SACS: variants seen among roughly 807,000 people sequenced by gnomAD.
SACS encodes the protein sacsin molecular chaperone, also known as sacsin.
Under a neutral mutation model 348.0 loss-of-function variants are expected in SACS, and 197 were observed. The observed-to-expected ratio is 0.57, with a 90% confidence interval of 0.50 to 0.64. SACS has a LOEUF of 0.64. SACS is among the 30% of genes least tolerant of loss of function. The pLI is 0.00. For missense variants in SACS, 4,999 were observed against 5,360.8 expected, an observed-to-expected ratio of 0.93 and a Z score of 2.11; for synonymous variants, 1,985 against 1,910.6, an observed-to-expected ratio of 1.04 and a Z score of -1.02.
rs373812430 is a variant in SACS, at chr13:23,337,944, C to T, written c.5932G>A (p.Val1978Ile). 2.8e-5 allele frequency: 45 copies of T among 1,613,914 alleles called. No individual in the cohort carries two copies. The highest frequency in any genetic ancestry group is 3.7e-5 in the Non-Finnish European group (44 of 1,179,962). The change falls in exon 10 of 10, where the codon GTC becomes ATC. Residue 1978 changes from valine to isoleucine, a missense_variant. Val to Ile is a conservative substitution (Grantham distance 29). Coordinates refer to ENST00000382292, the MANE Select transcript of SACS (RefSeq NM_014363.6). ...ACCCAAGTAGATCCATCAGAGAAGA[C>T]TTTGGTCAGTTCTTTCCCTTTTCCA... ...AHGKGKELTK[V>I]FSDGSTWVSM...
intron 1 of SACS, chr13:23,428,577 G>A (rs1874290938): frequency 6.6e-6 from 1 of 152,168 alleles, no homozygotes; most frequent in Admixed American, 6.5e-5. Context: ...AATTAAATAT[G>A]TACGTAAAAT....
chr13:23,420,625 TTC>T (rs1162258286), intron 1 of SACS, among the ~76,000 whole-genome samples: 1 of 152,098 alleles, frequency 6.6e-6, no homozygotes, highest in Non-Finnish European at 1.5e-5. Context: ...GGCCCTGAAG[TTC>T]TCCTAGTGCC....
intron 2 of SACS, among the ~76,000 whole-genome samples, chr13:23,393,410 A>G (rs1355497579): frequency 6.6e-6 from 1 of 152,100 alleles, no homozygotes. Context: ...GGTTACTGGC[A>G]CTAGGTCATG....
intron 2 of SACS, among the ~76,000 whole-genome samples, chr13:23,376,321 G>A (rs1309768009): frequency 6.6e-6 from 1 of 152,058 alleles, no homozygotes; most frequent in African/African-American, 2.4e-5. Context: ...GTGGGGCTTA[G>A]AGGCTTGGGG....
At chr13:23,416,278 C>G (rs972933471) in intron 1 of SACS, among the ~76,000 whole-genome samples, 5 of 136,946 alleles carry the variant, frequency 3.7e-5, no homozygotes, top group Admixed American at 3.6e-4. Flanking sequence ...CCGACTCCAT[C>G]TCAAAAAAGG....
intron 2 of SACS, among the ~76,000 whole-genome samples, chr13:23,381,361 A>G (rs1223631816): frequency 3.1e-5 from 4 of 127,528 alleles, no homozygotes; most frequent in Admixed American, 1.5e-4. Flanking sequence ...CGAAGCACAC[A>G]CACACACACA....
intron 2 of SACS, among the ~76,000 whole-genome samples, chr13:23,407,403 G>T (rs1369641121): frequency 6.6e-6 from 1 of 152,112 alleles, no homozygotes; most frequent in East Asian, 1.9e-4. Context: ...GTTTCACCGT[G>T]TTAGCCAGGA....
chr13:23,371,201 T>G lies in SACS; in HGVS notation c.172-36A>C, dbSNP rs1185234213. 7 of 1,369,306 alleles carry G rather than the reference T, an allele frequency of 5.1e-6. No individual in the cohort carries two copies. In the African/African-American group the frequency reaches 1.0e-4, roughly 20 times the overall value. The allele number at this position is 1,369,306 out of a possible 1,614,324, so 84.8% of individuals were successfully genotyped here. A position where few individuals can be genotyped will look rare whatever the true frequency, so the allele number is the denominator to read the frequency against. ...GCAAAAGAAAATGTATGAAAAGCAATACAGTCTCTAATACTGTAAATTCAA... is the reference window on the plus strand; with the variant it reads ...GCAAAAGAAAATGTATGAAAAGCAAGACAGTCTCTAATACTGTAAATTCAA... On this transcript the variant is annotated intron_variant, in intron 3 of 9. Transcript: ENST00000382292.
chr13:23,396,912 G>A (rs1449387264), intron 2 of SACS, among the ~76,000 whole-genome samples: 1 of 152,132 alleles, frequency 6.6e-6, no homozygotes, highest in East Asian at 1.9e-4. Context: ...GCAATCTCAA[G>A]TACTGAAACA....
intron 3 of SACS, chr13:23,373,300 T>C (rs1396095843): frequency 6.6e-6 from 1 of 152,306 alleles, no homozygotes. Context: ...GGTCCATTCC[T>C]TCCAAAGAAG....
intron 1 of SACS, among the ~76,000 whole-genome samples, chr13:23,420,506 A>G (rs924744509): frequency 6.6e-6 from 1 of 152,042 alleles, no homozygotes; most frequent in Non-Finnish European, 1.5e-5. Context: ...AAGTCTACCT[A>G]GAATCCAGTG....
rs144267558 is a variant in SACS at position 23,340,449 on chromosome 13, G to C, written c.3427C>G (p.Gln1143Glu). The C allele has an allele frequency of 5.6e-6, 9 of 1,613,878 alleles. No homozygotes were observed. Among genetic ancestry groups the C allele is most frequent in the African/African-American group, 2.7e-5 (2 of 74,908 alleles). ...LVLNKNHTLL[Q>E]SSEGKMTLKK... ...AATGTCATCTTTCCTTCAGATGATT[G>C]CAACAGTGTGTGATTCTTATTTAAA... Residue 1143 changes from glutamine (Q) to glutamate (E), a missense_variant, in exon 10 of 10, where the codon CAA becomes GAA. Transcript: ENST00000382292.
Position 23,336,928 on chromosome 13 carries a change from G to A in SACS, c.6948C>T (p.Thr2316=). 1 of 1,613,820 alleles carries A rather than the reference G, an allele frequency of 6.2e-7. No individual in the cohort carries two copies. Among genetic ancestry groups the A allele is most frequent in the Non-Finnish European group, 8.5e-7 (1 of 1,179,798 alleles). Residue 2316 remains threonine, a synonymous_variant, in exon 10 of 10, where the codon ACC becomes ACT. Transcript: ENST00000382292. ...DGITLYQENI[T]NACYKYLHEA... is the part of the protein sequence containing the mutation. ...CATGAAGGTATTTGTAGCAAGCATT[G>A]GTGATATTCTCCTGGTACAGTGTAA...
chr13:23,336,823 A>C lies in SACS; in HGVS notation c.7053T>G (p.Asn2351Lys). ...LKPFSFILVE[N>K]AYVDSEKVSF... The stretch of plus-strand genomic sequence containing the variant: ...AAACCTTTTCTGAGTCAACATATGC[A>C]TTCTCAACTAGAATGAAGCTAAAGG... The change falls in exon 10 of 10, where the codon AAT becomes AAG. Residue 2351 changes from asparagine (N) to lysine (K), a missense_variant. By Grantham distance (94) the Asn-to-Lys change is moderately conservative. This residue lies in a region of SACS where 3,156 missense variants were observed against 3,380.1 expected (regional missense o/e 0.93). Coordinates refer to ENST00000382292, the MANE Select transcript of SACS (RefSeq NM_014363.6). The C allele has an allele frequency of 6.2e-7, 1 of 1,613,796 alleles. No individual in the cohort carries two copies. The highest frequency in any genetic ancestry group is 8.5e-7 in the Non-Finnish European group (1 of 1,179,736).
At chr13:23,380,778 A>C (rs969868336) in intron 2 of SACS, among the ~76,000 whole-genome samples, 2 of 152,326 alleles carry the variant, frequency 1.3e-5, no homozygotes, top group East Asian at 3.9e-4. Flanking sequence ...ATCACTGTAC[A>C]TATCCCCATA....
At position 23,341,379 on chromosome 13, in the gene SACS, C is replaced by T. The variant is rs143433500; in HGVS notation, c.2497G>A (p.Glu833Lys). 1.3e-4 allele frequency: 206 copies of T among 1,609,030 alleles called. 1 individual carries two copies. In the African/African-American group the frequency reaches 2.1e-3, roughly 16 times the overall value. ...GCTAAAAATTCTGGAAGCTGTGCTT[C>T]AGATTCATCGTCTAAAATGACTAAC... ...PSLVILDDES[E>K]AQLPEFLADI... Residue 833 changes from glutamate to lysine, a missense_variant, in exon 10 of 10, where the codon GAA becomes AAA. By Grantham distance (56) the Glu-to-Lys change is moderately conservative. Around this residue, in one of 6 missense-constraint regions of SACS, gnomAD observed 3,156 missense variants for 3,380.1 expected, o/e 0.93. Transcript: ENST00000382292.
In SACS at chr13:23,331,562, G is replaced by C; in HGVS notation, c.12314C>G (p.Thr4105Ser). The stretch of plus-strand genomic sequence containing the variant: ...CAAATTGTCAGTTGCTGATTTAAGA[G>C]TCATTGCCAATGCTAACAGGAAATT... ...DINFLLALAM[T>S]LKSATDNLIS... The change falls in exon 10 of 10, where the codon ACT becomes AGT. Residue 4105 changes from threonine (T) to serine (S), a missense_variant. Coordinates refer to ENST00000382292, the MANE Select transcript of SACS (RefSeq NM_014363.6). The C allele has an allele frequency of 6.2e-7, 1 of 1,613,860 alleles. No individual in the cohort carries two copies. Among genetic ancestry groups the C allele is most frequent in the Non-Finnish European group, 8.5e-7 (1 of 1,179,814 alleles).
chr13:23,400,662 C>T (rs866242419), intron 2 of SACS, among the ~76,000 whole-genome samples: 5 of 152,138 alleles, frequency 3.3e-5, no homozygotes, highest in Non-Finnish European at 7.4e-5. Context: ...CCTCGTGATC[C>T]GCCCGCCTCG....
chr13:23,386,817 T>G (rs1291971653), intron 2 of SACS, among the ~76,000 whole-genome samples: 2 of 152,160 alleles, frequency 1.3e-5, no homozygotes, highest in Non-Finnish European at 1.5e-5. Context: ...GGTTACTAGT[T>G]GGCCTAATTT....
Sources: allele counts gnomAD v4.1 joint callset (sites outside exome capture counted in the v4.1 genomes callset), GRCh38; gene constraint gnomAD v4.1.1; regional missense constraint gnomAD v4.1.1; transcripts MANE v1.5; gene names NCBI Gene and HGNC (gene_info 2026-07-23, HGNC 2026-07-21).